The following PDE11A variants were observed in gnomAD, a reference collection of about 807,000 sequenced individuals.
The protein encoded by PDE11A is phosphodiesterase 11A.
Under a neutral mutation model 100.5 loss-of-function variants are expected in PDE11A, and 100 were observed. The ratio of observed to expected loss-of-function variants is 1.00; its 90% CI spans 0.85 to 1.18. The LOEUF is 1.18. Among genes scored for constraint, PDE11A ranks in the 50% most tolerant of loss-of-function variants. PDE11A has a pLI of 0.00. For missense variants in PDE11A, 1,141 were observed against 1,152.6 expected, an observed-to-expected ratio of 0.99 and a Z score of 0.15; for synonymous variants, 381 against 420.8, an observed-to-expected ratio of 0.91 and a Z score of 1.16.
At chr2:177,979,090 A>AG (rs1312280386) in intron 2 of PDE11A, among the ~76,000 whole-genome samples, 3,966 of 146,696 alleles carry the variant, frequency 0.027, 168 homozygotes, top group African/African-American at 0.095. Context: ...AAAAAAAAAA[A>AG]AAAAGAAAGA....
In PDE11A at chr2:177,993,428, T is replaced by C. The variant is rs765511716; in HGVS notation, c.1071+20874A>G. On this transcript the variant is annotated intron_variant, in intron 2 of 19. Transcript: ENST00000286063. The stretch of plus-strand genomic sequence containing the variant: ...AGTTTGAATAAAGTAATTTTTAAAG[T>C]CCCCTTGCTTTCTAAGATTTTCATA... Among the ~76,000 whole-genome samples the C allele has an allele frequency of 9.0e-4, 137 of 152,212 alleles. 3 individuals carry two copies. Among genetic ancestry groups the C allele is most frequent in the Admixed American group, 7.2e-4 (11 of 15,280 alleles).
At chr2:177,664,150 A>C (rs543534891) in intron 18 of PDE11A, among the ~76,000 whole-genome samples, 3 of 152,298 alleles carry the variant, frequency 2.0e-5, no homozygotes, top group African/African-American at 7.2e-5. Flanking sequence ...TGAGATTTGT[A>C]AGCAAATTTA....
At chr2:177,770,752 A>C (rs2082300375) in intron 9 of PDE11A, among the ~76,000 whole-genome samples, 1 of 152,220 alleles carries the variant, frequency 6.6e-6, no homozygotes, top group African/African-American at 2.4e-5. Context: ...TTTATAAGGC[A>C]TATTTACAGA....
chr2:178,055,268 G>A, intron 1 of PDE11A, among the ~76,000 whole-genome samples: 1 of 138,648 alleles, frequency 7.2e-6, no homozygotes, highest in East Asian at 2.3e-4. Context: ...AACATTGCAT[G>A]TTCTCACTTA....
At chr2:177,741,823 C>T (rs1389786297) in intron 10 of PDE11A, among the ~76,000 whole-genome samples, 1 of 152,104 alleles carries the variant, frequency 6.6e-6, no homozygotes. Flanking sequence ...GAAGGAGATT[C>T]ACTTGAAGCC....
At chr2:177,672,836 C>T (rs968702633) in intron 17 of PDE11A, among the ~76,000 whole-genome samples, 10 of 152,042 alleles carry the variant, frequency 6.6e-5, no homozygotes, top group South Asian at 4.1e-4. Context: ...ATGAAAATTG[C>T]GATACACTTT....
chr2:177,728,489 A>G (rs2105448385), intron 10 of PDE11A, among the ~76,000 whole-genome samples: 1 of 152,280 alleles, frequency 6.6e-6, no homozygotes, highest in East Asian at 1.9e-4. Context: ...CATACAATAT[A>G]TTCTGATGCA....
At chr2:177,876,066 G>T in intron 4 of PDE11A, 143 bp from the exon 5 acceptor site, 2 of 682,254 alleles carry the variant, frequency 2.9e-6, no homozygotes, top group Non-Finnish European at 5.3e-6. Flanking sequence ...TCCCAAGACA[G>T]AGTAGAAGAG....
At chr2:177,856,879 T>C (rs2083843296) in intron 5 of PDE11A, among the ~76,000 whole-genome samples, 1 of 152,012 alleles carries the variant, frequency 6.6e-6, no homozygotes, top group Non-Finnish European at 1.5e-5. Context: ...TCAGAAAGAA[T>C]ATTTGAAGAA....
chr2:178,106,738 T>A lies in PDE11A; in HGVS notation c.-14+1516A>T, dbSNP rs568318361. ...ACTTTGGGAGGCCGAGGTGGTTGGATCACCTGAGGTCAGGAGTTCGAGACC... is the reference window on the plus strand; with the variant it reads ...ACTTTGGGAGGCCGAGGTGGTTGGAACACCTGAGGTCAGGAGTTCGAGACC... On this transcript the variant is annotated intron_variant, in intron 1 of 20. Transcript: ENST00000358450. Among the ~76,000 whole-genome samples the A allele has an allele frequency of 4.6e-5, 7 of 152,122 alleles. 1 individual carries two copies. The East Asian group carries it at 1.4e-3, about 29-fold the overall frequency.
At chr2:177,776,533 GC>G (rs962541415) in intron 9 of PDE11A, among the ~76,000 whole-genome samples, 2 of 151,972 alleles carry the variant, frequency 1.3e-5, no homozygotes, top group African/African-American at 4.8e-5. Flanking sequence ...GGGGAATTGT[GC>G]CCCCCAATCC....
chr2:177,746,474 G>A (rs756028520), intron 10 of PDE11A, among the ~76,000 whole-genome samples: 3 of 152,146 alleles, frequency 2.0e-5, no homozygotes, highest in Non-Finnish European at 4.4e-5. Flanking sequence ...ACCAGAGTCT[G>A]TAGAAACAAT....
chr2:177,969,382 A>G (rs1442543331), intron 2 of PDE11A, among the ~76,000 whole-genome samples: 1 of 152,150 alleles, frequency 6.6e-6, no homozygotes, highest in East Asian at 1.9e-4. Context: ...ATGTATACCT[A>G]TGTAACAAAC....
At chr2:177,679,569 A>G (rs1394766499) in intron 16 of PDE11A, among the ~76,000 whole-genome samples, 2 of 152,220 alleles carry the variant, frequency 1.3e-5, no homozygotes, top group Non-Finnish European at 2.9e-5. Context: ...TTGATTTGTT[A>G]CAGAAAATAT....
chr2:177,996,262 C>T (rs2086073738), intron 2 of PDE11A, among the ~76,000 whole-genome samples: 1 of 150,964 alleles, frequency 6.6e-6, no homozygotes, highest in Admixed American at 6.6e-5. Context: ...AAAAAGAAAA[C>T]ACAGCCTTTA....
intron 1 of PDE11A, among the ~76,000 whole-genome samples, chr2:178,068,897 T>C (rs182460751): frequency 2.0e-5 from 3 of 152,168 alleles, no homozygotes; most frequent in African/African-American, 7.2e-5. Context: ...CAAACCACAT[T>C]TAGGGACATT....
chr2:177,979,916 C>A (rs1179792423), intron 2 of PDE11A, among the ~76,000 whole-genome samples: 1 of 150,340 alleles, frequency 6.7e-6, no homozygotes, highest in Non-Finnish European at 1.5e-5. Flanking sequence ...GGCAGATGAT[C>A]ATTTTTATCA....
At chr2:177,657,382 C>A (rs112758042) in intron 19 of PDE11A, among the ~76,000 whole-genome samples, 8,370 of 152,240 alleles carry the variant, frequency 0.055, 322 homozygotes, top group East Asian at 0.18. Context: ...ATGGCGGTTC[C>A]CAGCTAGAAA....
intron 9 of PDE11A, among the ~76,000 whole-genome samples, chr2:177,786,652 C>A (rs548133372): frequency 0.16 from 24,323 of 151,456 alleles, 1,999 homozygotes; most frequent in Non-Finnish European, 0.18. Context: ...AAAATTTAGA[C>A]TAATGTATAA....
Sources: gnomAD v4.1 joint callset for allele counts (sites outside exome capture counted in the v4.1 genomes callset) on GRCh38, gnomAD v4.1.1 for gene constraint, MANE v1.5 for transcripts, NCBI Gene and HGNC (gene_info 2026-07-23, HGNC 2026-07-21) for gene names.